Variants in NR2C2 observed in about 807,000 individuals in gnomAD.
NR2C2 encodes nuclear receptor subfamily 2 group C member 2.
A neutral mutation model predicts 62.9 loss-of-function variants in NR2C2; 6 were observed. The ratio of observed to expected loss-of-function variants is 0.10; its 90% confidence interval spans 0.05 to 0.19. The LOEUF is 0.19. Among genes scored for constraint, NR2C2 ranks in the 10% least tolerant of loss-of-function variants. NR2C2 has a pLI of 1.00. For synonymous variants in NR2C2, 272 were observed against 273.8 expected (o/e 0.99, Z 0.07); for missense variants, 479 against 762.7 (o/e 0.63, Z 4.38).
At chr3:15,040,766 A>G (rs533895955) in intron 13 of NR2C2, among the ~76,000 whole-genome samples, 5 of 152,376 alleles carry the variant, frequency 3.3e-5, no homozygotes, top group South Asian at 2.1e-4. Flanking sequence ...TGAATCTAGA[A>G]TAACTTCAGC....
chr3:14,993,501 C>T (rs770329707), intron 1 of NR2C2, among the ~76,000 whole-genome samples: 9 of 151,962 alleles, frequency 5.9e-5, no homozygotes, highest in Non-Finnish European at 1.2e-4. Context: ...AAATTTCCTT[C>T]CTTGATGTCT....
intron 1 of NR2C2, among the ~76,000 whole-genome samples, chr3:14,977,498 A>G (rs1250391214): frequency 6.6e-6 from 1 of 152,026 alleles, no homozygotes; most frequent in African/African-American, 2.4e-5. Context: ...TCATGGGTAC[A>G]GTAGCTTGTT....
intron 1 of NR2C2, among the ~76,000 whole-genome samples, chr3:14,958,352 A>G (rs1342010314): frequency 6.6e-6 from 1 of 150,618 alleles, no homozygotes; most frequent in Non-Finnish European, 1.5e-5. Context: ...TTTTTTTTTT[A>G]ACTTAAGGTA....
intron 4 of NR2C2, among the ~76,000 whole-genome samples, chr3:15,016,719 C>T (rs1001872345): frequency 6.6e-6 from 1 of 152,164 alleles, no homozygotes; most frequent in African/African-American, 2.4e-5. Flanking sequence ...AGGAAAGGCC[C>T]CACAGAGGCA....
At chr3:15,013,952 T>C (rs975553080) in intron 3 of NR2C2, among the ~76,000 whole-genome samples, 163 bp downstream of exon 3, 1 of 152,072 alleles carries the variant, frequency 6.6e-6, no homozygotes, top group Non-Finnish European at 1.5e-5. Flanking sequence ...AAACCAGCAA[T>C]CCAGTGGCAA....
chr3:14,977,943 T>A (rs2040253542), intron 1 of NR2C2, among the ~76,000 whole-genome samples: 1 of 136,142 alleles, frequency 7.3e-6, no homozygotes, highest in South Asian at 2.3e-4. Flanking sequence ...AGTGAGACTC[T>A]GCCTCAAAAA....
chr3:15,042,925 G>A lies in NR2C2; in HGVS notation c.1708G>A (p.Val570Ile). 1 of 1,614,192 alleles carries A rather than the reference G, an allele frequency of 6.2e-7. No homozygotes were observed. Among genetic ancestry groups the A allele is most frequent in the Non-Finnish European group, 8.5e-7 (1 of 1,180,014 alleles). ...ELFFTGLIGN[V>I]SIDSIIPYIL... ...TTTTTTTACTGGTCTCATTGGCAATGTTTCGATAGACAGCATAATCCCCTA... is the reference window on the plus strand; with the variant it reads ...TTTTTTTACTGGTCTCATTGGCAATATTTCGATAGACAGCATAATCCCCTA... Residue 570 changes from valine (V) to isoleucine (I), a missense_variant, in exon 14 of 14, where the codon GTT becomes ATT. This residue lies in a region of NR2C2 where 162 missense variants were observed against 296.8 expected (regional missense o/e 0.55). Coordinates refer to ENST00000425241, the MANE Select transcript of NR2C2 (RefSeq NM_001291694.2).
intron 2 of NR2C2, among the ~76,000 whole-genome samples, chr3:15,013,260 C>T (rs1022902833): frequency 1.3e-5 from 2 of 152,190 alleles, no homozygotes; most frequent in African/African-American, 4.8e-5. Flanking sequence ...GGATTGCCTA[C>T]ATTTGTTATT....
intron 11 of NR2C2, among the ~76,000 whole-genome samples, chr3:15,036,498 G>T: frequency 6.6e-6 from 1 of 151,994 alleles, no homozygotes; most frequent in East Asian, 1.9e-4. Context: ...TTGTTGTTTT[G>T]TTTGTTTGTT....
intron 13 of NR2C2, among the ~76,000 whole-genome samples, chr3:15,042,078 T>C (rs1007252472): frequency 6.6e-6 from 1 of 152,186 alleles, no homozygotes. Context: ...GTTTGGGCTG[T>C]CACACATGGC....
Position 15,003,804 on chromosome 3 carries a change from G to A in NR2C2, c.-39-72G>A, listed in dbSNP as rs931588875. 42 of 907,194 alleles carry A rather than the reference G, an allele frequency of 4.6e-5. No homozygotes were observed. The African/African-American group carries it at 5.3e-4, about 11-fold the overall frequency. The allele number at this position is 907,194 out of a possible 1,614,324, so 56.2% of individuals were successfully genotyped here. On this transcript the variant is annotated intron_variant, in intron 1 of 13. Transcript: ENST00000425241. ...ACTCCAGGCCACAGTGAAAGCAAGA[G>A]GCGTGGTCTTCAGGCCACCTCTGGG...
intron 10 of NR2C2, 30 bp from the exon 11 acceptor site, chr3:15,034,640 C>T: frequency 3.1e-6 from 5 of 1,608,476 alleles, no homozygotes; most frequent in Non-Finnish European, 4.2e-6. Flanking sequence ...CCAACACACA[C>T]CACACTCAGA....
At chr3:15,005,963 A>C (rs915839798) in intron 2 of NR2C2, among the ~76,000 whole-genome samples, 1 of 152,082 alleles carries the variant, frequency 6.6e-6, no homozygotes, top group African/African-American at 2.4e-5. Context: ...CCCAGCACTT[A>C]GGGAGGCTGA....
At chr3:14,956,283 C>T (rs896665573) in intron 1 of NR2C2, among the ~76,000 whole-genome samples, 2 of 152,196 alleles carry the variant, frequency 1.3e-5, no homozygotes, top group South Asian at 4.1e-4. Context: ...TATCCTCTCT[C>T]AGGCTATCTA....
chr3:15,012,834 C>T (rs907960176), intron 2 of NR2C2, among the ~76,000 whole-genome samples: 1 of 152,152 alleles, frequency 6.6e-6, no homozygotes, highest in Non-Finnish European at 1.5e-5. Context: ...GTGACTGATG[C>T]AATTAGACAA....
At chr3:14,994,024 G>T (rs1488183060) in intron 1 of NR2C2, among the ~76,000 whole-genome samples, 1 of 152,106 alleles carries the variant, frequency 6.6e-6, no homozygotes, top group Non-Finnish European at 1.5e-5. Context: ...TGCCCTGTGC[G>T]CACAACCCCA....
rs1553579627 is a variant in NR2C2, at chr3:15,047,839, T to TA, written c.*4833dup. 2.6e-5 allele frequency: 4 copies of TA among 152,248 alleles called. No individual in the cohort carries two copies. The highest frequency in any genetic ancestry group is 5.9e-5 in the Non-Finnish European group (4 of 68,038). 9.4% of individuals were successfully genotyped at this position (152,248 alleles called of 1,614,324 possible). A position where few individuals can be genotyped will look rare whatever the true frequency, so the allele number is the denominator to read the frequency against. ...TGTAAATGACTTTAACTCCTTTCTA[T>TA]AAGTTATGATTTTAAATTTTCAGAT... On this transcript the variant is annotated 3_prime_UTR_variant, in exon 14 of 14. Transcript: ENST00000425241.
At chr3:15,042,707 G>A (rs62240395) in intron 13 of NR2C2, 127 bp from the exon 14 acceptor site, 1 of 749,162 alleles carries the variant, frequency 1.3e-6, no homozygotes, top group Non-Finnish European at 2.2e-6. Flanking sequence ...AGAAAAGAGA[G>A]GTGGGTGGAT....
intron 8 of NR2C2, among the ~76,000 whole-genome samples, chr3:15,029,026 A>C (rs1208575697): frequency 6.6e-6 from 1 of 152,158 alleles, no homozygotes; most frequent in Non-Finnish European, 1.5e-5. Context: ...ATTACTGTTT[A>C]ATAATGCGTC....
Sources: allele counts gnomAD v4.1 joint callset (sites outside exome capture counted in the v4.1 genomes callset), GRCh38; gene constraint gnomAD v4.1.1; regional missense constraint gnomAD v4.1.1; transcripts MANE v1.5; gene names NCBI Gene and HGNC (gene_info 2026-07-23, HGNC 2026-07-21).